SPIRE1: variants seen among roughly 807,000 people sequenced by gnomAD.
SPIRE1 encodes the protein spire type actin nucleation factor 1.
A neutral mutation model predicts 94.1 loss-of-function variants in SPIRE1; 40 were observed. That is an observed-to-expected ratio of 0.43 (90% confidence interval 0.33 to 0.55). The LOEUF is 0.55. Among genes scored for constraint, SPIRE1 ranks in the 20% least tolerant of loss-of-function variants. The pLI is 0.06. For synonymous variants in SPIRE1, 376 were observed against 371.7 expected (o/e 1.01, Z -0.13); for missense variants, 838 against 975.2 (o/e 0.86, Z 1.87).
At position 12,448,843 on chromosome 18, in the gene SPIRE1, A is replaced by C. The variant is rs2031076410; in HGVS notation, c.*795T>G. ...CCAAAATACGCTCAACGTCTTGACA[A>C]ACTTTTAGCCTTCCTTTGTCCTGAA... On this transcript the variant is annotated 3_prime_UTR_variant, in exon 17 of 17. Transcript: ENST00000409402. This position sits in a 1 kb window ranked among gnomAD's most constrained non-coding sequence, Gnocchi z 4.4. 6.6e-6 allele frequency: 1 copy of C among 152,440 alleles called. No homozygotes were observed. The highest frequency in any genetic ancestry group is 1.5e-5 in the Non-Finnish European group (1 of 68,040). The allele number at this position is 152,440 out of a possible 1,614,324, so 9.4% of individuals were successfully genotyped here.
intron 10 of SPIRE1, among the ~76,000 whole-genome samples, chr18:12,466,006 C>T (rs537527514): frequency 2.0e-5 from 3 of 151,748 alleles, no homozygotes; most frequent in South Asian, 2.1e-4. Flanking sequence ...ATTGCTTGAC[C>T]CGGGGAGGCA....
intron 2 of SPIRE1, among the ~76,000 whole-genome samples, chr18:12,566,923 C>T (rs552352530): frequency 2.6e-5 from 4 of 152,224 alleles, no homozygotes; most frequent in African/African-American, 9.6e-5. Context: ...CTCTCATGGA[C>T]ATAGACACAA....
intron 10 of SPIRE1, among the ~76,000 whole-genome samples, chr18:12,466,237 C>G (rs957770076): frequency 6.6e-6 from 1 of 151,918 alleles, no homozygotes; most frequent in African/African-American, 2.4e-5. Flanking sequence ...AAATACTATG[C>G]GAGATAAACA....
chr18:12,632,523 A>C (rs927991497), intron 2 of SPIRE1, among the ~76,000 whole-genome samples: 11 of 152,052 alleles, frequency 7.2e-5, no homozygotes, highest in Non-Finnish European at 1.3e-4. Flanking sequence ...TTAATTACCA[A>C]AGTAATACAC....
chr18:12,583,083 G>A (rs2036299941), intron 2 of SPIRE1, among the ~76,000 whole-genome samples: 1 of 152,162 alleles, frequency 6.6e-6, no homozygotes, highest in Non-Finnish European at 1.5e-5. Context: ...AAGAAGGCAA[G>A]GGAAAAAGGG....
intron 2 of SPIRE1, among the ~76,000 whole-genome samples, chr18:12,613,459 C>G (rs1189980344): frequency 2.0e-5 from 3 of 152,216 alleles, no homozygotes; most frequent in Non-Finnish European, 4.4e-5. Context: ...TAGTTCTATT[C>G]CTTCTTCTCT....
chr18:12,453,225 T>C lies in SPIRE1; in HGVS notation c.1777-87A>G, dbSNP rs189408290. On this transcript the variant is annotated intron_variant, in intron 13 of 16. Coordinates refer to ENST00000409402, the MANE Select transcript of SPIRE1 (RefSeq NM_001128626.2). ...TGTTTGAATATGCTTTACATCTATATATAGGGGAAGCTGAACAGACAAGAG... is the reference window on the plus strand; with the variant it reads ...TGTTTGAATATGCTTTACATCTATACATAGGGGAAGCTGAACAGACAAGAG... The C allele has an allele frequency of 5.6e-4, 477 of 844,342 alleles. 5 individuals carry two copies. The East Asian group carries it at 0.011, about 20-fold the overall frequency. The allele number at this position is 844,342 out of a possible 1,614,324, so 52.3% of individuals were successfully genotyped here.
chr18:12,635,547 ACTTT>A (rs2037898627), intron 1 of SPIRE1, among the ~76,000 whole-genome samples: 1 of 152,198 alleles, frequency 6.6e-6, no homozygotes, highest in African/African-American at 2.4e-5. Flanking sequence ...TTAAATTCAT[ACTTT>A]CTTTAATATA....
chr18:12,614,375 C>T (rs1221728521), intron 2 of SPIRE1, among the ~76,000 whole-genome samples: 4 of 152,156 alleles, frequency 2.6e-5, no homozygotes, highest in African/African-American at 9.7e-5. Flanking sequence ...GTCTATGGCT[C>T]CCCCTGTATT....
intron 2 of SPIRE1, among the ~76,000 whole-genome samples, chr18:12,629,633 G>A (rs925981687): frequency 6.6e-6 from 1 of 152,054 alleles, no homozygotes; most frequent in Non-Finnish European, 1.5e-5. Flanking sequence ...GAGGGGCAGG[G>A]CTAACTACAA....
rs115863039 is a variant in SPIRE1, at chr18:12,651,988, C to T, written c.337+5542G>A. 4.4e-3 allele frequency among the ~76,000 whole-genome samples: 664 copies of T among 152,210 alleles called. 1 individual carries two copies. Among genetic ancestry groups the T allele is most frequent in the African/African-American group, 0.012 (506 of 41,554 alleles). Reference sequence around the variant, plus strand: ...TCAACATATGGCCATAATTTTTAAACGATTCTTTATACATCTAAACTAAAG... The same window carrying T: ...TCAACATATGGCCATAATTTTTAAATGATTCTTTATACATCTAAACTAAAG... On this transcript the variant is annotated intron_variant, in intron 1 of 16. Coordinates refer to ENST00000409402, the MANE Select transcript of SPIRE1 (RefSeq NM_001128626.2).
At chr18:12,450,939 T>C (rs951675012) in intron 16 of SPIRE1, 3 of 672,706 alleles carry the variant, frequency 4.5e-6, no homozygotes, top group African/African-American at 1.8e-5. Context: ...AAAGGAAAGT[T>C]TGATGGAGAA....
intron 7 of SPIRE1, 36 bp from the exon 8 acceptor site, chr18:12,493,237 A>G: frequency 6.3e-7 from 1 of 1,587,764 alleles, no homozygotes; most frequent in South Asian, 1.2e-5. Flanking sequence ...GACTTCAGTA[A>G]TTAAGTAATT....
intron 2 of SPIRE1, among the ~76,000 whole-genome samples, chr18:12,633,815 G>T (rs189204917): frequency 6.6e-6 from 1 of 152,160 alleles, no homozygotes. Flanking sequence ...CCAATCTAAG[G>T]ATGATGAAAC....
intron 10 of SPIRE1, among the ~76,000 whole-genome samples, chr18:12,465,178 CTTCT>C (rs2032040002): frequency 6.6e-6 from 1 of 152,052 alleles, no homozygotes; most frequent in African/African-American, 2.4e-5. Context: ...ACTGAGCATG[CTTCT>C]TTCTGTTTTT....
intron 2 of SPIRE1, among the ~76,000 whole-genome samples, chr18:12,632,433 C>T (rs1419614909): frequency 1.3e-5 from 2 of 152,174 alleles, no homozygotes; most frequent in Admixed American, 1.3e-4. Context: ...TTTTTAATTC[C>T]TTCTGTCATT....
chr18:12,564,948 A>C (rs2035779810), intron 2 of SPIRE1, among the ~76,000 whole-genome samples: 1 of 152,184 alleles, frequency 6.6e-6, no homozygotes, highest in Admixed American at 6.5e-5. Context: ...AAAAGGTATA[A>C]ATTATGTGTA....
intron 3 of SPIRE1, among the ~76,000 whole-genome samples, chr18:12,538,935 CCAT>C (rs1226022665): frequency 6.6e-6 from 1 of 152,214 alleles, no homozygotes; most frequent in Admixed American, 6.5e-5. Context: ...ATCTCCTCCA[CCAT>C]CATCATGGTC....
At chr18:12,450,035 A>T (rs1598878500) in intron 16 of SPIRE1, 139 bp from the exon 17 acceptor site, 1 of 305,294 alleles carries the variant, frequency 3.3e-6, no homozygotes, top group South Asian at 6.4e-5. Context: ...ATGTCCTTCT[A>T]AAAAAATTTC....
Sources: allele counts gnomAD v4.1 joint callset (sites outside exome capture counted in the v4.1 genomes callset), GRCh38; gene constraint gnomAD v4.1.1; non-coding constraint Gnocchi (gnomAD v3.1); transcripts MANE v1.5; gene names NCBI Gene and HGNC (gene_info 2026-07-23, HGNC 2026-07-21).